Variants in GART observed in about 807,000 individuals in gnomAD.
The protein encoded by GART is trifunctional purine biosynthetic protein adenosine-3.
Under a neutral mutation model 107.2 loss-of-function variants are expected in GART, and 43 were observed. The ratio of observed to expected loss-of-function variants is 0.40; its 90% CI spans 0.31 to 0.52. The LOEUF (loss-of-function observed/expected upper bound fraction) is 0.52, where lower values mean the gene tolerates loss of function less well. Ranked by LOEUF, GART falls within the 20% of genes least tolerant of loss-of-function variation. GART has a pLI of 0.52. For synonymous variants in GART, 434 were observed against 427.0 expected, an observed-to-expected ratio of 1.02 and a Z score of -0.20; for missense variants, 1,107 against 1,206.5, an observed-to-expected ratio of 0.92 and a Z score of 1.22.
At chr21:33,513,063 G>A (rs965482710) in intron 16 of GART, among the ~76,000 whole-genome samples, 2 of 151,484 alleles carry the variant, frequency 1.3e-5, no homozygotes, top group African/African-American at 4.9e-5. Context: ...TTATAGGCAT[G>A]TGCTACCACA....
At chr21:33,539,613 A>G (rs1464753007) in intron 1 of GART, among the ~76,000 whole-genome samples, 2 of 144,840 alleles carry the variant, frequency 1.4e-5, no homozygotes, top group Non-Finnish European at 3.1e-5. Context: ...GAATTGCTTG[A>G]ACCTGGTAGG....
At chr21:33,533,823 T>G (rs1366735758) in intron 4 of GART, among the ~76,000 whole-genome samples, 2 of 151,394 alleles carry the variant, frequency 1.3e-5, no homozygotes. Context: ...GAGGATCACT[T>G]GAGTCCAGGA....
chr21:33,535,571 A>AGCC (rs1055833063), intron 2 of GART, among the ~76,000 whole-genome samples: 66 of 152,296 alleles, frequency 4.3e-4, no homozygotes, highest in Middle Eastern at 6.8e-3. Context: ...CTTCCCAAAG[A>AGCC]GCCATAAAGT....
At chr21:33,538,554 T>A (rs1223267310) in intron 2 of GART, among the ~76,000 whole-genome samples, 1 of 152,110 alleles carries the variant, frequency 6.6e-6, no homozygotes, top group African/African-American at 2.4e-5. Context: ...TTAATAGCAA[T>A]ACTAAACTTT....
chr21:33,511,478 A>ATTGT lies in GART; in HGVS notation c.2108-24_2108-21dup, dbSNP rs1555890037. 1.2e-6 allele frequency: 2 copies of ATTGT among 1,611,114 alleles called. No homozygotes were observed. Among genetic ancestry groups the ATTGT allele is most frequent in the African/African-American group, 2.7e-5 (2 of 74,946 alleles). ...GGGCATCTGAAAAAAATAGACACGA[A>ATTGT]TTGTTTGATTTTCCTACCTTCTCAC... On this transcript the variant is annotated intron_variant, in intron 16 of 21. Coordinates refer to ENST00000381815, the MANE Select transcript of GART (RefSeq NM_000819.5).
intron 5 of GART, 84 bp downstream of exon 5, chr21:33,532,258 CTTA>C: frequency 2.2e-6 from 2 of 895,654 alleles, no homozygotes; most frequent in Non-Finnish European, 3.6e-6. Flanking sequence ...ATAGATTTTC[CTTA>C]TTGTGAGGAA....
At chr21:33,525,176 T>C (rs1443744456) in intron 10 of GART, among the ~76,000 whole-genome samples, 176 bp from the exon 11 acceptor site, 1 of 151,570 alleles carries the variant, frequency 6.6e-6, no homozygotes, top group Non-Finnish European at 1.5e-5. Context: ...CTTGAGTCCA[T>C]GAGTTCGAGA....
At chr21:33,539,394 A>G in intron 1 of GART, 38 bp from the exon 2 acceptor site, 1 of 1,508,052 alleles carries the variant, frequency 6.6e-7, no homozygotes, top group Non-Finnish European at 8.9e-7. Context: ...CTTAGGATGC[A>G]CATTTTAGAA....
chr21:33,523,606 ATT>A (rs2085012134), intron 11 of GART, among the ~76,000 whole-genome samples: 1 of 152,182 alleles, frequency 6.6e-6, no homozygotes, highest in African/African-American at 2.4e-5. Flanking sequence ...TGGTAAAAAA[ATT>A]TTGTCTTAAA....
rs772822831 is a variant in GART at position 33,530,863 on chromosome 21, T to G, written c.619A>C (p.Lys207Gln). 23 of 1,525,440 alleles carry G rather than the reference T, an allele frequency of 1.5e-5. No individual in the cohort carries two copies. The highest frequency in any genetic ancestry group is 2.0e-5 in the Non-Finnish European group (23 of 1,148,536). 94.5% of individuals were successfully genotyped at this position (1,525,440 alleles called of 1,614,324 possible). Reference protein sequence around the residue: ...EVSCLCFTDGKTVAPMPPAQD... With the variant: ...EVSCLCFTDGQTVAPMPPAQD... ...GCTGGGGGCATGGGGGCCACAGTCT[T>G]GCCATCAGTGAAACACAGACACTAT... The change falls in exon 7 of 22, where the codon AAG becomes CAG. Residue 207 changes from lysine (K) to glutamine (Q), a missense_variant. Transcript: ENST00000381815.
intron 1 of GART, among the ~76,000 whole-genome samples, chr21:33,541,836 G>C (rs1314387285): frequency 2.0e-5 from 3 of 152,096 alleles, no homozygotes; most frequent in Admixed American, 2.0e-4. Context: ...AATGTATAAA[G>C]ACACAAAAAG....
At chr21:33,525,584 C>A (rs890809915) in intron 10 of GART, among the ~76,000 whole-genome samples, 1 of 152,058 alleles carries the variant, frequency 6.6e-6, no homozygotes, top group African/African-American at 2.4e-5. Context: ...GAATGTGCCA[C>A]CACACCCAGC....
chr21:33,538,226 A>T (rs527357594), intron 2 of GART, among the ~76,000 whole-genome samples: 14 of 126,162 alleles, frequency 1.1e-4, no homozygotes, highest in Non-Finnish European at 3.2e-5. Flanking sequence ...TATGGGTGAG[A>T]GTGAGACTCT....
intron 4 of GART, 50 bp downstream of exon 4, chr21:33,534,529 T>C (rs1192683942): frequency 6.2e-7 from 1 of 1,603,302 alleles, no homozygotes; most frequent in Non-Finnish European, 8.5e-7. Context: ...ACCTGTGTAT[T>C]TAAATATCAA....
Position 33,539,225 on chromosome 21 carries a change from A to G in GART, c.91T>C (p.Leu31=), listed in dbSNP as rs1030934808. Residue 31 remains leucine, a synonymous_variant, in exon 2 of 22, where the codon TTG becomes CTG. Transcript: ENST00000381815. The part of the protein sequence containing the change: ...LAQSHHVKQV[L]VAPGNAGTAC... ...GTGCCTGCGTTTCCTGGGGCAACCA[A>G]CACTTGTTTGACATGATGAGACTGT... 2 of 1,614,098 alleles carry G rather than the reference A, an allele frequency of 1.2e-6. No individual in the cohort carries two copies. Among genetic ancestry groups the G allele is most frequent in the Non-Finnish European group, 1.7e-6 (2 of 1,180,034 alleles).
At chr21:33,524,456 C>A in intron 11 of GART, 1 of 627,230 alleles carries the variant, frequency 1.6e-6, no homozygotes, top group Non-Finnish European at 2.0e-6. Flanking sequence ...GAGGCTGAGG[C>A]ATGAGAACTT....
intron 16 of GART, among the ~76,000 whole-genome samples, chr21:33,514,713 G>A (rs532820751): frequency 4.3e-4 from 66 of 152,276 alleles, no homozygotes; most frequent in African/African-American, 1.6e-3. Flanking sequence ...CCCAAGGAAT[G>A]TCTTGAACCA....
intron 4 of GART, among the ~76,000 whole-genome samples, chr21:33,533,635 C>T (rs992107930): frequency 6.7e-6 from 1 of 149,408 alleles, no homozygotes; most frequent in Non-Finnish European, 1.5e-5. Flanking sequence ...CCTAGTGTTA[C>T]GGCTCATGCC....
At chr21:33,525,808 AAAG>A (rs529977915) in intron 10 of GART, among the ~76,000 whole-genome samples, 121 of 152,228 alleles carry the variant, frequency 7.9e-4, no homozygotes, top group Non-Finnish European at 2.2e-4. Flanking sequence ...TTTAATGAGG[AAAG>A]AAACAAAAAT....
Sources: gnomAD v4.1 joint callset for allele counts (sites outside exome capture counted in the v4.1 genomes callset) on GRCh38, gnomAD v4.1.1 for gene constraint, MANE v1.5 for transcripts, NCBI Gene and HGNC (gene_info 2026-07-23, HGNC 2026-07-21) for gene names.